The following IDS variants were observed in gnomAD, a reference collection of about 807,000 sequenced individuals.
IDS encodes the protein iduronate 2-sulfatase, also known as alpha-L-iduronate sulfate sulfatase.
IDS carries 1 observed loss-of-function variant against 33.5 expected under a neutral mutation model. The observed-to-expected ratio is 0.03, with a 90% CI of 0.01 to 0.14. The LOEUF is 0.14. IDS is among the 10% of genes least tolerant of loss of function. The pLI, the probability that IDS is intolerant of heterozygous loss-of-function variation, is 1.00. For synonymous variants in IDS, 191 were observed against 184.4 expected (o/e 1.04, Z -0.29); for missense variants, 328 against 448.0 (o/e 0.73, Z 2.42).
intron 3 of IDS, chrX:149,502,000 T>A: frequency 3.9e-6 from 1 of 257,094 alleles, no homozygotes; most frequent in South Asian, 3.7e-5. Context: ...TGGGAAATGA[T>A]GATGATGATA....
At position 149,498,231 on chromosome X, in the gene IDS, G is replaced by T. The variant is rs376012599; in HGVS notation, c.584C>A (p.Thr195Asn). 8.3e-7 allele frequency: 1 copy of T among 1,210,031 alleles called. No homozygotes were observed. The highest frequency in any genetic ancestry group is 1.7e-5 in the African/African-American group (1 of 57,244). Residue 195 changes from threonine (T) to asparagine (N), a missense_variant, in exon 5 of 9, where the codon ACC (threonine) becomes AAC (asparagine). Transcript: ENST00000340855. ...CTCAGTGCTCTGTTTGTCAGGCAAG[G>T]TGCCCTCGGGAACATCCAGCACATC... ...PVDVLDVPEGTLPDKQSTEQA... is the reference protein window; with the variant it reads ...PVDVLDVPEGNLPDKQSTEQA...
At chrX:149,491,354 G>A (rs782326227) in intron 6 of IDS, among the ~76,000 whole-genome samples, 3 of 112,305 alleles carry the variant, frequency 2.7e-5, no homozygotes, top group South Asian at 7.4e-4. Context: ...ATGAGCCACC[G>A]GCCCCTCCTG....
intron 7 of IDS, 157 bp from the exon 8 acceptor site, chrX:149,487,255 G>C (rs1029473424): frequency 1.2e-5 from 15 of 1,205,815 alleles, no homozygotes; most frequent in African/African-American, 1.7e-5. Flanking sequence ...CCACAGAAAG[G>C]GTTATTTCAA....
chrX:149,491,514 G>C (rs781941579), intron 6 of IDS: 8 of 950,739 alleles, frequency 8.4e-6, no homozygotes, highest in Non-Finnish European at 1.1e-5. Context: ...TCACTGCCAG[G>C]GTGAGGACAA....
At chrX:149,483,247 G>C (rs1460773402) in intron 8 of IDS, 29 bp from the exon 9 acceptor site, 2 of 1,124,975 alleles carry the variant, frequency 1.8e-6, no homozygotes, top group Non-Finnish European at 2.4e-6. Flanking sequence ...GAGCAGAATG[G>C]GTTACATTAT....
Position 149,483,121 on chromosome X carries a change from T to C in IDS, c.1278A>G (p.Ser426=). The C allele has an allele frequency of 8.3e-7, 1 of 1,210,138 alleles. No homozygotes were observed. Among genetic ancestry groups the C allele is most frequent in the Non-Finnish European group, 1.1e-6 (1 of 894,823 alleles). Residue 426 remains serine (S), a synonymous_variant, in exon 9 of 9, where the codon TCA becomes TCG. Coordinates refer to ENST00000340855, the MANE Select transcript of IDS (RefSeq NM_000202.8). Reference sequence around the variant, plus strand: ...CTTCTCTGCACAGCTCAACGTGAAATGAAGGAACGGGGCAGCGAGGTGGAA... The same window carrying C: ...CTTCTCTGCACAGCTCAACGTGAAACGAAGGAACGGGGCAGCGAGGTGGAA... ...LQVPPRCPVP[S]FHVELCREGK...
chrX:149,478,069 G>A lies in IDS; in HGVS notation c.*4677C>T, dbSNP rs979372916. On this transcript the variant is annotated 3_prime_UTR_variant, in exon 9 of 9. Coordinates refer to ENST00000340855, the MANE Select transcript of IDS (RefSeq NM_000202.8). ...GGAAAAGGGGCTGAGCCTCTATTTG[G>A]GAGTTTATACCCAAAGCGCTTCACA... 3 of 111,937 alleles carry A rather than the reference G, an allele frequency of 2.7e-5. No homozygotes were observed. The Admixed American group carries it at 2.8e-4, about 11-fold the overall frequency. The allele number at this position is 111,937 out of a possible 1,213,427, so 9.2% of individuals were successfully genotyped here. A position where few individuals can be genotyped will look rare whatever the true frequency, so the allele number is the denominator to read the frequency against.
Position 149,500,819 on chromosome X carries a change from CATT to C in IDS, c.507+127_507+129del, listed in dbSNP as rs74318341. Reference sequence around the variant, plus strand: ...ATCCCAACACTTACTTCTGTCAAAACATTATCACAAATGAAACCCACAACTTCG... The same window carrying C: ...ATCCCAACACTTACTTCTGTCAAAACATCACAAATGAAACCCACAACTTCG... On this transcript the variant is annotated intron_variant, in intron 4 of 8. Transcript: ENST00000340855. 0.31 allele frequency: 161,249 copies of C among 527,644 alleles called. 19,836 individuals are homozygous for C. The highest frequency in any genetic ancestry group is 0.39 in the Non-Finnish European group (113,814 of 293,555). 43.5% of individuals were successfully genotyped at this position (527,644 alleles called of 1,213,427 possible).
rs11549010 is a variant in IDS at position 149,505,080 on chromosome X, C to G, written c.58G>C (p.Val20Leu). 1.2e-5 allele frequency: 14 copies of G among 1,207,430 alleles called. No individual in the cohort carries two copies. The African/African-American group carries it at 2.1e-4, about 18-fold the overall frequency. ...GTTTCGGATCCGAGGGCGACGCAGACGGAGCTCAGAACCAGACCCAGCCAG... is the reference window on the plus strand; with the variant it reads ...GTTTCGGATCCGAGGGCGACGCAGAGGGAGCTCAGAACCAGACCCAGCCAG... ...LLWLGLVLSSVCVALGSETQA... is the reference protein window; with the variant it reads ...LLWLGLVLSSLCVALGSETQA... The change falls in exon 1 of 9, where the codon GTC (valine) becomes CTC (leucine). Residue 20 changes from valine (V) to leucine (L), a missense_variant. Coordinates refer to ENST00000340855, the MANE Select transcript of IDS (RefSeq NM_000202.8).
intron 8 of IDS, among the ~76,000 whole-genome samples, chrX:149,484,110 C>T (rs1487942696): frequency 8.9e-6 from 1 of 112,491 alleles, no homozygotes; most frequent in Non-Finnish European, 1.9e-5. Flanking sequence ...CTGCTATGAA[C>T]AGTAATGTAC....
intron 5 of IDS, 90 bp from the exon 6 acceptor site, chrX:149,496,606 C>G (rs2089439209): frequency 5.0e-6 from 5 of 993,132 alleles, no homozygotes; most frequent in Non-Finnish European, 7.1e-6. Flanking sequence ...TGCCTTTTCT[C>G]TAAGCCTGGG....
intron 6 of IDS, among the ~76,000 whole-genome samples, chrX:149,494,067 G>A (rs1168291001): frequency 1.8e-5 from 2 of 111,739 alleles, no homozygotes; most frequent in African/African-American, 6.5e-5. Flanking sequence ...AGCTTGCCTG[G>A]GCTGCTGGGG....
intron 6 of IDS, among the ~76,000 whole-genome samples, chrX:149,494,121 T>A (rs903924374): frequency 3.6e-5 from 4 of 111,404 alleles, no homozygotes; most frequent in Non-Finnish European, 7.5e-5. Context: ...CGTGGGGGCA[T>A]GGATTTTCTC....
Position 149,503,046 on chromosome X carries a change from C to T in IDS, c.418+266G>A, listed in dbSNP as rs781922933. 100 of 1,006,383 alleles carry T rather than the reference C, an allele frequency of 9.9e-5. No homozygotes were observed. In the South Asian group the frequency reaches 2.0e-3, roughly 20 times the overall value. The allele number at this position is 1,006,383 out of a possible 1,213,427, so 82.9% of individuals were successfully genotyped here. A position where few individuals can be genotyped will look rare whatever the true frequency, so the allele number is the denominator to read the frequency against. ...CACTGCCACCTCCCCAGCCTGTGTC[C>T]TCCCTACCACCCGAGGAGCTGAAAG... is the stretch of plus-strand genomic sequence containing the variant. On this transcript the variant is annotated intron_variant, in intron 3 of 8. Transcript: ENST00000340855.
intron 3 of IDS, chrX:149,502,659 AT>A (rs782155606): frequency 2.5e-5 from 3 of 121,993 alleles, no homozygotes; most frequent in East Asian, 2.4e-4. Flanking sequence ...TTTTTTCTCC[AT>A]TTTTTTTCTC....
intron 2 of IDS, among the ~76,000 whole-genome samples, chrX:149,503,783 G>A (rs2089500173): frequency 8.9e-6 from 1 of 112,242 alleles, no homozygotes; most frequent in Non-Finnish European, 1.9e-5. Flanking sequence ...GCCATGAGGG[G>A]GTTCAGGGAG....
At chrX:149,485,568 A>G (rs1557337964) in intron 8 of IDS, among the ~76,000 whole-genome samples, 1 of 112,370 alleles carries the variant, frequency 8.9e-6, no homozygotes, top group African/African-American at 3.2e-5. Flanking sequence ...AAAGATGTGA[A>G]GTCCAGCTTT....
chrX:149,489,264 C>A (rs782082972), intron 7 of IDS, among the ~76,000 whole-genome samples: 3 of 112,765 alleles, frequency 2.7e-5, no homozygotes, highest in African/African-American at 9.7e-5. Flanking sequence ...AGAAATGACA[C>A]AGAGATTGCC....
intron 5 of IDS, among the ~76,000 whole-genome samples, chrX:149,497,889 T>G (rs941228992): frequency 8.9e-6 from 1 of 112,057 alleles, no homozygotes; most frequent in Admixed American, 9.4e-5. Context: ...TCCAGTGGAG[T>G]GAAGCGGAAA....
Sources: allele counts gnomAD v4.1 joint callset (sites outside exome capture counted in the v4.1 genomes callset), GRCh38; gene constraint gnomAD v4.1.1; transcripts MANE v1.5; gene names NCBI Gene and HGNC (gene_info 2026-07-23, HGNC 2026-07-21).